GTF3C1: variants seen among roughly 807,000 people sequenced by gnomAD.
The protein encoded by GTF3C1 is general transcription factor 3C polypeptide 1.
In GTF3C1, 57 loss-of-function variants were observed where a neutral mutation model predicts 226.7. The ratio of observed to expected loss-of-function variants is 0.25; its 90% CI spans 0.20 to 0.31. GTF3C1 has a LOEUF of 0.31. Among genes scored for constraint, GTF3C1 ranks in the 10% least tolerant of loss-of-function variants. The pLI is 1.00. For synonymous variants in GTF3C1, 1,090 were observed against 1,084.8 expected, an observed-to-expected ratio of 1.00 and a Z score of -0.09; for missense variants, 2,217 against 2,776.1, an observed-to-expected ratio of 0.80 and a Z score of 4.53.
Position 27,461,778 on chromosome 16 carries a change from C to CG in GTF3C1, c.6118-217dup. On this transcript the variant is annotated intron_variant, in intron 36 of 36. Transcript: ENST00000356183. This position sits in a 1 kb window ranked among gnomAD's most constrained non-coding sequence, Gnocchi z 5.3. Reference sequence around the variant, plus strand: ...AGCTGCCTGAGCAGCACGTGTACAGCGCTGGCTGGAGCCACCACGCTGAAT... The same window carrying CG: ...AGCTGCCTGAGCAGCACGTGTACAGCGGCTGGCTGGAGCCACCACGCTGAAT... 1.8e-6 allele frequency: 1 copy of CG among 569,430 alleles called. No individual in the cohort carries two copies. Among genetic ancestry groups the CG allele is most frequent in the East Asian group, 2.8e-5 (1 of 35,278 alleles). The allele number at this position is 569,430 out of a possible 1,614,324, so 35.3% of individuals were successfully genotyped here.
rs2088252794 is a variant in GTF3C1 at position 27,492,788 on chromosome 16, G to A, written c.2877-75C>T. ...GGCCGCAGGGGTCTGCATGTGGGGT[G>A]AGGGGTGCGACTTCCTTCTTCTCTT... On this transcript the variant is annotated intron_variant, in intron 17 of 36. Transcript: ENST00000356183. The surrounding 1 kb of genome is among the most constrained non-coding windows in gnomAD (Gnocchi z 5.0). The A allele has an allele frequency of 2.4e-6, 2 of 844,950 alleles. No homozygotes were observed. The highest frequency in any genetic ancestry group is 1.3e-5 in the South Asian group (1 of 75,390). The allele number at this position is 844,950 out of a possible 1,614,324, so 52.3% of individuals were successfully genotyped here. A position where few individuals can be genotyped will look rare whatever the true frequency, so the allele number is the denominator to read the frequency against.
intron 5 of GTF3C1, among the ~76,000 whole-genome samples, chr16:27,529,440 C>CAAA (rs34170986): frequency 3.0e-4 from 33 of 110,988 alleles, no homozygotes; most frequent in Non-Finnish European, 4.5e-4. Flanking sequence ...GACTCTGTTT[C>CAAA]AAAAAAAAAA....
rs779105200 is a variant in GTF3C1 at position 27,493,310 on chromosome 16, G to A, written c.2779-14C>T. 8.4e-6 allele frequency: 12 copies of A among 1,423,764 alleles called. No individual in the cohort carries two copies. Among genetic ancestry groups the A allele is most frequent in the Non-Finnish European group, 1.1e-5 (11 of 1,005,904 alleles). 88.2% of individuals were successfully genotyped at this position (1,423,764 alleles called of 1,614,324 possible). A position where few individuals can be genotyped will look rare whatever the true frequency, so the allele number is the denominator to read the frequency against. ...CAGGTTGTCCACCTGAAGAGGTGAT[G>A]TGCAGGTTCAGCTCGCCCTGAGGGC... On this transcript the variant is annotated splice_polypyrimidine_tract_variant and intron_variant, in intron 16 of 36. Coordinates refer to ENST00000356183, the MANE Select transcript of GTF3C1 (RefSeq NM_001520.4).
chr16:27,508,397 A>G (rs1488766942), intron 8 of GTF3C1, 143 bp downstream of exon 8: 1 of 626,096 alleles, frequency 1.6e-6, no homozygotes, highest in East Asian at 2.7e-5. Context: ...ATGGCTATGG[A>G]CTGCACTCAG....
rs750740601 is a variant in GTF3C1 at position 27,549,836 on chromosome 16, G to A, written c.55C>T (p.Leu19=). ...DEVALEGLDG[L]CLPALWSRLE... ...CGGCTCCACAGCGCTGGCAGACACA[G>A]GCCATCGAGCCCCTCCAGAGCGACT... The change falls in exon 1 of 37, where the codon CTG becomes TTG. Residue 19 remains leucine, a synonymous_variant. Transcript: ENST00000356183. The A allele has an allele frequency of 2.5e-6, 4 of 1,613,070 alleles. No individual in the cohort carries two copies. The South Asian group carries it at 3.3e-5, about 13-fold the overall frequency.
chr16:27,543,246 C>T (rs1018383834), intron 2 of GTF3C1, among the ~76,000 whole-genome samples: 4 of 152,086 alleles, frequency 2.6e-5, no homozygotes, highest in Non-Finnish European at 2.9e-5. Context: ...ATAAGCTGGG[C>T]GTGGTGGCAT....
Position 27,461,921 on chromosome 16 carries a change from C to T in GTF3C1, c.6118-359G>A. The T allele has an allele frequency of 2.6e-6, 1 of 380,128 alleles. No homozygotes were observed. 23.5% of individuals were successfully genotyped at this position (380,128 alleles called of 1,614,324 possible). Reference sequence around the variant, plus strand: ...GGGGAATTTGACACTCAACTTCAAGCTCCTAGCTGCCAGAGGAGCTGGAGG... The same window carrying T: ...GGGGAATTTGACACTCAACTTCAAGTTCCTAGCTGCCAGAGGAGCTGGAGG... On this transcript the variant is annotated intron_variant, in intron 36 of 36. Coordinates refer to ENST00000356183, the MANE Select transcript of GTF3C1 (RefSeq NM_001520.4). The surrounding 1 kb of genome is among the most constrained non-coding windows in gnomAD (Gnocchi z 5.3).
Position 27,463,740 on chromosome 16 carries a change from A to C in GTF3C1, c.5873-148T>G. 2.2e-5 allele frequency: 15 copies of C among 686,444 alleles called. No homozygotes were observed. The highest frequency in any genetic ancestry group is 5.4e-5 in the East Asian group (2 of 37,172). The allele number at this position is 686,444 out of a possible 1,614,324, so 42.5% of individuals were successfully genotyped here. ...AAAAAAAAAGGACAATGAGCATCTC[A>C]CAGAGCGGCCACCCTGGAGGTGGCA... On this transcript the variant is annotated intron_variant, in intron 34 of 36. Transcript: ENST00000356183. This position sits in a 1 kb window ranked among gnomAD's most constrained non-coding sequence, Gnocchi z 4.9.
In GTF3C1 at chr16:27,495,446, G is replaced by A; in HGVS notation, c.2397C>T (p.Arg799=). 1.9e-6 allele frequency: 3 copies of A among 1,614,034 alleles called. No homozygotes were observed. Among genetic ancestry groups the A allele is most frequent in the Non-Finnish European group, 2.5e-6 (3 of 1,179,960 alleles). ...ACAGAAACATGTGGACCACCCGCAG[G>A]CGAGGCATTTTGGGCAGAAATCCTA... The part of the protein sequence containing the change: ...RSLGFLPKMP[R]LRVVHMFLWY... Residue 799 remains arginine, a synonymous_variant, in exon 15 of 37, where the codon CGC becomes CGT. Coordinates refer to ENST00000356183, the MANE Select transcript of GTF3C1 (RefSeq NM_001520.4).
chr16:27,475,500 C>T (rs549410581), intron 29 of GTF3C1, among the ~76,000 whole-genome samples: 3 of 152,136 alleles, frequency 2.0e-5, no homozygotes, highest in South Asian at 2.1e-4. Flanking sequence ...TGGGGGAGAA[C>T]GAGGCCCTGG....
At chr16:27,532,359 G>A (rs1397603064) in intron 5 of GTF3C1, among the ~76,000 whole-genome samples, 1 of 152,222 alleles carries the variant, frequency 6.6e-6, no homozygotes, top group East Asian at 1.9e-4. Context: ...TGGTGCCTGC[G>A]GTCAGACAGA....
Position 27,489,185 on chromosome 16 carries a change from G to A in GTF3C1, c.3294-7C>T, listed in dbSNP as rs1189231078. On this transcript the variant is annotated splice_region_variant and splice_polypyrimidine_tract_variant and intron_variant, in intron 20 of 36. Transcript: ENST00000356183. ...CACCACCTCACGGCTTCCACTAAAA[G>A]ACAGGAAATCAACAGAAAAGAGCCC... 1.2e-6 allele frequency: 2 copies of A among 1,613,854 alleles called. No homozygotes were observed. The highest frequency in any genetic ancestry group is 1.1e-5 in the South Asian group (1 of 91,078).
chr16:27,495,168 G>C, intron 15 of GTF3C1, 43 bp downstream of exon 15: 1 of 1,475,666 alleles, frequency 6.8e-7, no homozygotes, highest in Non-Finnish European at 9.4e-7. Context: ...TCCTACTACT[G>C]GGCCTGCCCG....
chr16:27,502,419 T>A (rs1026108440), intron 11 of GTF3C1, among the ~76,000 whole-genome samples: 1 of 152,226 alleles, frequency 6.6e-6, no homozygotes, highest in African/African-American at 2.4e-5. Flanking sequence ...AGAGAAGCTC[T>A]ACTTGTGTCT....
At chr16:27,491,859 C>T (rs1457685630) in intron 19 of GTF3C1, among the ~76,000 whole-genome samples, 1 of 152,210 alleles carries the variant, frequency 6.6e-6, no homozygotes, top group African/African-American at 2.4e-5. Context: ...GGCTCTGCCT[C>T]ATCCTATAGA....
rs1388716839 is a variant in GTF3C1 at position 27,464,598 on chromosome 16, C to T, written c.5594G>A (p.Ser1865Asn). ...GGTCTCCCCATTCTCACTGGCCCAGCTGGCGCGCCTCTTGGTGCCCCGGGG... is the reference window on the plus strand; with the variant it reads ...GGTCTCCCCATTCTCACTGGCCCAGTTGGCGCGCCTCTTGGTGCCCCGGGG... ...HSPRGTKRRA[S>N]WASENGETDA... The change falls in exon 34 of 37, where the codon AGC becomes AAC. Residue 1865 changes from serine to asparagine, a missense_variant. Transcript: ENST00000356183. 2 of 1,493,712 alleles carry T rather than the reference C, an allele frequency of 1.3e-6. No individual in the cohort carries two copies. Among genetic ancestry groups the T allele is most frequent in the Admixed American group, 4.8e-5 (2 of 42,060 alleles). 92.5% of individuals were successfully genotyped at this position (1,493,712 alleles called of 1,614,324 possible).
chr16:27,534,304 T>G (rs1223246233), intron 4 of GTF3C1, among the ~76,000 whole-genome samples: 1 of 152,150 alleles, frequency 6.6e-6, no homozygotes, highest in Non-Finnish European at 1.5e-5. Flanking sequence ...CCCTTGACTG[T>G]GTAAGTCTAG....
Position 27,478,531 on chromosome 16 carries a change from C to G in GTF3C1, c.4197G>C (p.Arg1399Ser). 1 of 1,609,048 alleles carries G rather than the reference C, an allele frequency of 6.2e-7. No homozygotes were observed. The highest frequency in any genetic ancestry group is 8.5e-7 in the Non-Finnish European group (1 of 1,175,390). Residue 1399 changes from arginine (R) to serine (S), a missense_variant and splice_region_variant, in exon 28 of 37, where the codon AGG becomes AGC. By Grantham distance (110) the Arg-to-Ser change is moderately radical. Coordinates refer to ENST00000356183, the MANE Select transcript of GTF3C1 (RefSeq NM_001520.4). ...CATCCCCAATTGCCAAAACTCGGTACCTGCAAAAGAAACATAACAGCATGT... is the reference window on the plus strand; with the variant it reads ...CATCCCCAATTGCCAAAACTCGGTAGCTGCAAAAGAAACATAACAGCATGT... The part of the protein sequence containing the change: ...IPDTLQELFA[R>S]YRVLAIGDEK...
chr16:27,461,270 G>A lies in GTF3C1; in HGVS notation c.*80C>T, dbSNP rs1362272925. The A allele has an allele frequency of 7.9e-6, 7 of 889,640 alleles. No homozygotes were observed. Among genetic ancestry groups the A allele is most frequent in the African/African-American group, 1.7e-5 (1 of 60,028 alleles). 55.1% of individuals were successfully genotyped at this position (889,640 alleles called of 1,614,324 possible). ...GAGGCTCGGCAGACCCAAGGCCAGG[G>A]CACAGTGGGGTCTGCCGAGCACCAG... is the stretch of plus-strand genomic sequence containing the variant. On this transcript the variant is annotated 3_prime_UTR_variant, in exon 37 of 37. Transcript: ENST00000356183. The surrounding 1 kb of genome is among the most constrained non-coding windows in gnomAD (Gnocchi z 5.3).
Sources: allele counts gnomAD v4.1 joint callset (sites outside exome capture counted in the v4.1 genomes callset), GRCh38; gene constraint gnomAD v4.1.1; non-coding constraint Gnocchi (gnomAD v3.1); transcripts MANE v1.5; gene names NCBI Gene and HGNC (gene_info 2026-07-23, HGNC 2026-07-21).